The following IPO11 variants were observed in gnomAD, a reference collection of about 807,000 sequenced individuals.
IPO11 encodes importin-11.
Under a neutral mutation model 143.2 loss-of-function variants are expected in IPO11, and 66 were observed. The ratio of observed to expected loss-of-function variants is 0.46; its 90% CI spans 0.38 to 0.57. IPO11 has a LOEUF of 0.57. Ranked by LOEUF, IPO11 falls within the 20% of genes least tolerant of loss-of-function variation. The pLI is 0.00. For synonymous variants in IPO11, 385 were observed against 377.8 expected (o/e 1.02, Z -0.22); for missense variants, 1,026 against 1,141.0 (o/e 0.90, Z 1.45).
chr5:62,617,016 A>T (rs892914259), intron 29 of IPO11, among the ~76,000 whole-genome samples: 4 of 152,164 alleles, frequency 2.6e-5, no homozygotes, highest in African/African-American at 9.7e-5. Context: ...TAGCACCTGC[A>T]CTTTTCAGTC....
intron 27 of IPO11, chr5:62,579,955 A>G: frequency 6.4e-7 from 1 of 1,551,232 alleles, no homozygotes; most frequent in Non-Finnish European, 8.7e-7. Context: ...TGTCCTTGGG[A>G]GTGGTACCTT....
At chr5:62,612,017 A>G in intron 29 of IPO11, among the ~76,000 whole-genome samples, 1 of 152,314 alleles carries the variant, frequency 6.6e-6, no homozygotes, top group African/African-American at 2.4e-5. Context: ...CACAAAATGA[A>G]TGATATGTTG....
At chr5:62,539,238 G>T (rs1742843144) in intron 24 of IPO11, among the ~76,000 whole-genome samples, 1 of 152,144 alleles carries the variant, frequency 6.6e-6, no homozygotes, top group African/African-American at 2.4e-5. Flanking sequence ...TCTAGGGGGA[G>T]AATCTGTTCC....
At chr5:62,584,484 G>T (rs1209735382) in intron 27 of IPO11, among the ~76,000 whole-genome samples, 1 of 151,866 alleles carries the variant, frequency 6.6e-6, no homozygotes, top group African/African-American at 2.4e-5. Context: ...GTGGTGGCCT[G>T]TGCCCGTAGT....
At chr5:62,620,904 C>A (rs1436719415) in intron 29 of IPO11, among the ~76,000 whole-genome samples, 1 of 152,108 alleles carries the variant, frequency 6.6e-6, no homozygotes, top group African/African-American at 2.4e-5. Flanking sequence ...TGGTGGGTGG[C>A]GGAGGGCCTT....
intron 19 of IPO11, among the ~76,000 whole-genome samples, chr5:62,513,930 G>A (rs1204680341): frequency 5.3e-5 from 8 of 151,300 alleles, no homozygotes; most frequent in Non-Finnish European, 7.4e-5. Context: ...CGGCCGGGCC[G>A]AGGCGCTCCT....
At chr5:62,508,090 G>A (rs935440858) in intron 19 of IPO11, among the ~76,000 whole-genome samples, 7 of 151,566 alleles carry the variant, frequency 4.6e-5, no homozygotes, top group African/African-American at 9.7e-5. Flanking sequence ...CAAATTTGAC[G>A]TTTGTCCATG....
At chr5:62,598,432 C>CTT (rs1561380658) in intron 28 of IPO11, among the ~76,000 whole-genome samples, 10 of 1,796 alleles carry the variant, frequency 5.6e-3, no homozygotes, top group Non-Finnish European at 8.4e-3. Flanking sequence ...TTCTTTCTTT[C>CTT]TCTCTCTCTC....
chr5:62,521,495 G>A (rs1742198836), intron 20 of IPO11, among the ~76,000 whole-genome samples: 1 of 151,892 alleles, frequency 6.6e-6, no homozygotes, highest in Admixed American at 6.6e-5. Context: ...CTGGCAACTT[G>A]TGTGATCATC....
At chr5:62,544,340 C>G (rs1436568630) in intron 24 of IPO11, among the ~76,000 whole-genome samples, 1 of 151,950 alleles carries the variant, frequency 6.6e-6, no homozygotes. Flanking sequence ...TAAACAGAAC[C>G]AAAGACAAAA....
At chr5:62,568,685 A>G (rs747971799) in intron 27 of IPO11, among the ~76,000 whole-genome samples, 2 of 151,212 alleles carry the variant, frequency 1.3e-5, no homozygotes, top group Non-Finnish European at 3.0e-5. Flanking sequence ...CAAAAAAGCT[A>G]TTTTGAATTC....
chr5:62,614,726 T>TA (rs532275361), intron 29 of IPO11, among the ~76,000 whole-genome samples: 45 of 149,592 alleles, frequency 3.0e-4, no homozygotes, highest in Middle Eastern at 3.4e-3. Context: ...GTGTGTGTGT[T>TA]ACAGTCCACT....
intron 1 of IPO11, among the ~76,000 whole-genome samples, chr5:62,433,146 G>GTTTTTTT (rs367585219): frequency 7.4e-6 from 1 of 135,468 alleles, no homozygotes; most frequent in Non-Finnish European, 1.6e-5. Context: ...GCACCTTTTT[G>GTTTTTTT]TTTTTTGTTT....
At chr5:62,516,700 T>G (rs190198410) in intron 20 of IPO11, among the ~76,000 whole-genome samples, 3 of 152,268 alleles carry the variant, frequency 2.0e-5, no homozygotes, top group Admixed American at 6.5e-5. Flanking sequence ...CCTGCTTTCT[T>G]TTTTTTACTG....
At chr5:62,436,842 A>G (rs571936596) in intron 1 of IPO11, among the ~76,000 whole-genome samples, 130 of 152,274 alleles carry the variant, frequency 8.5e-4, no homozygotes, top group African/African-American at 2.9e-3. Flanking sequence ...CTTCCTTCTG[A>G]TTTTGTCAAG....
chr5:62,429,698 A>ACTAC (rs1743909999), intron 1 of IPO11, among the ~76,000 whole-genome samples: 5 of 151,466 alleles, frequency 3.3e-5, no homozygotes, highest in Admixed American at 2.0e-4. Context: ...ATCTTGGCTC[A>ACTAC]CTGCAACCTC....
At chr5:62,622,556 A>C (rs190224603) in intron 29 of IPO11, among the ~76,000 whole-genome samples, 2 of 152,324 alleles carry the variant, frequency 1.3e-5, no homozygotes, top group African/African-American at 4.8e-5. Flanking sequence ...TTGAAACGTG[A>C]AGAAATAAGC....
intron 21 of IPO11, among the ~76,000 whole-genome samples, chr5:62,527,971 A>C (rs576156823): frequency 2.0e-5 from 3 of 152,332 alleles, no homozygotes; most frequent in African/African-American, 7.2e-5. Flanking sequence ...AAAATGAAGA[A>C]TAATTCCTAC....
At chr5:62,606,976 C>T (rs1326710712) in intron 29 of IPO11, among the ~76,000 whole-genome samples, 2 of 152,136 alleles carry the variant, frequency 1.3e-5, no homozygotes, top group Admixed American at 1.3e-4. Context: ...CTGAGCATGG[C>T]TTTTGTACTG....
Sources: allele counts gnomAD v4.1 joint callset (sites outside exome capture counted in the v4.1 genomes callset), GRCh38; gene constraint gnomAD v4.1.1; transcripts MANE v1.5; gene names NCBI Gene and HGNC (gene_info 2026-07-23, HGNC 2026-07-21).